The following ATP13A4 variants were observed in gnomAD, a reference collection of about 807,000 sequenced individuals.
ATP13A4 encodes probable cation-transporting ATPase 13A4.
A neutral mutation model predicts 142.5 loss-of-function variants in ATP13A4; 114 were observed. That is an observed-to-expected ratio of 0.80 (90% CI 0.69 to 0.93). ATP13A4 has a LOEUF of 0.93. ATP13A4 is among the 40% of genes least tolerant of loss of function. The pLI is 0.00. For missense variants in ATP13A4, 1,392 were observed against 1,454.0 expected (o/e 0.96, Z 0.69); for synonymous variants, 488 against 514.8 (o/e 0.95, Z 0.70).
chr3:193,470,580 G>A lies in ATP13A4; in HGVS notation c.943+279C>T, dbSNP rs1024497876. ...ATCTCTACAATCTTTTAAGGTAAATGAGAGGGTTGTAATAATCTTTTGTTC... is the reference window on the plus strand; with the variant it reads ...ATCTCTACAATCTTTTAAGGTAAATAAGAGGGTTGTAATAATCTTTTGTTC... On this transcript the variant is annotated intron_variant, in intron 9 of 29. Transcript: ENST00000342695. 9.2e-5 allele frequency among the ~76,000 whole-genome samples: 14 copies of A among 152,336 alleles called. No homozygotes were observed. In the East Asian group the frequency reaches 2.7e-3, roughly 29 times the overall value.
chr3:193,410,838 T>C, intron 28 of ATP13A4, 144 bp downstream of exon 28: 1 of 621,898 alleles, frequency 1.6e-6, no homozygotes, highest in Non-Finnish European at 2.9e-6. Context: ...AAAATATAGA[T>C]AAATTTAGCA....
chr3:193,506,943 G>T (rs1316627168), intron 2 of ATP13A4, among the ~76,000 whole-genome samples: 1 of 152,084 alleles, frequency 6.6e-6, no homozygotes. Context: ...TATTAGCAGC[G>T]TGAGAACAGA....
At position 193,422,321 on chromosome 3, in the gene ATP13A4, T is replaced by C. The variant is rs1157659422; in HGVS notation, c.2843-7571A>G. ...CACTTTCAACAAGAGACAGATCAAC[T>C]AGACATAAAATTGACAAGAAAATAT... is the stretch of plus-strand genomic sequence containing the variant. On this transcript the variant is annotated intron_variant, in intron 25 of 29. Coordinates refer to ENST00000342695, the MANE Select transcript of ATP13A4 (RefSeq NM_032279.4). 6.0e-5 allele frequency among the ~76,000 whole-genome samples: 9 copies of C among 149,766 alleles called. No individual in the cohort carries two copies. In the South Asian group the frequency reaches 1.9e-3, roughly 31 times the overall value.
At chr3:193,580,269 C>T (rs1279392687) in intron 2 of ATP13A4, among the ~76,000 whole-genome samples, 1 of 152,048 alleles carries the variant, frequency 6.6e-6, no homozygotes, top group Non-Finnish European at 1.5e-5. Context: ...TTTAGGTGGG[C>T]CTCCAAACTG....
In ATP13A4 at chr3:193,401,387, A is replaced by G. The variant is rs1327265802; in HGVS notation, c.*1265T>C. 2.0e-5 allele frequency among the ~76,000 whole-genome samples: 3 copies of G among 151,984 alleles called. No homozygotes were observed. Among genetic ancestry groups the G allele is most frequent in the Non-Finnish European group, 4.4e-5 (3 of 68,020 alleles). ...TTAGTTTTCTGGAAACTCAAGCCAC[A>G]AACTTTAAAAAAAAAATGTACTAGT... On this transcript the variant is annotated 3_prime_UTR_variant, in exon 30 of 30. Coordinates refer to ENST00000342695, the MANE Select transcript of ATP13A4 (RefSeq NM_032279.4).
chr3:193,543,315 C>T (rs1156541966), intron 1 of ATP13A4, among the ~76,000 whole-genome samples: 1 of 152,104 alleles, frequency 6.6e-6, no homozygotes, highest in Non-Finnish European at 1.5e-5. Flanking sequence ...AGCTTCTGCA[C>T]AACAAAAGAA....
intron 1 of ATP13A4, among the ~76,000 whole-genome samples, chr3:193,535,184 C>G (rs966639015): frequency 3.9e-5 from 6 of 152,140 alleles, no homozygotes; most frequent in African/African-American, 1.4e-4. Context: ...ACCGACAGAA[C>G]TTAACTGATA....
intron 8 of ATP13A4, among the ~76,000 whole-genome samples, chr3:193,482,791 C>T (rs936003045): frequency 6.6e-6 from 1 of 152,224 alleles, no homozygotes; most frequent in Non-Finnish European, 1.5e-5. Context: ...CTCTCATACA[C>T]TGCTAGTGTA....
chr3:193,508,578 T>C (rs1340547478), intron 2 of ATP13A4, among the ~76,000 whole-genome samples: 2 of 152,252 alleles, frequency 1.3e-5, no homozygotes, highest in Non-Finnish European at 2.9e-5. Flanking sequence ...AATGGCCCTG[T>C]ATTATAAAGG....
Position 193,474,995 on chromosome 3 carries a change from G to A in ATP13A4, c.809-4002C>T, listed in dbSNP as rs1023167635. Among the ~76,000 whole-genome samples the A allele has an allele frequency of 7.9e-5, 12 of 151,998 alleles. No homozygotes were observed. In the East Asian group the frequency reaches 1.2e-3, roughly 15 times the overall value. On this transcript the variant is annotated intron_variant, in intron 8 of 29. Transcript: ENST00000342695. ...TAGAAAAATGTGCAAAATTTCCAGC[G>A]CATTCTATTGTCAAGGCTGCGAGGA...
At chr3:193,535,570 C>A (rs1306145272) in intron 1 of ATP13A4, among the ~76,000 whole-genome samples, 1 of 152,208 alleles carries the variant, frequency 6.6e-6, no homozygotes, top group South Asian at 2.1e-4. Flanking sequence ...GCACTAACTG[C>A]ATATATTAGA....
chr3:193,587,976 T>TATA (rs201691807), intron 1 of ATP13A4, among the ~76,000 whole-genome samples: 1 of 151,392 alleles, frequency 6.6e-6, no homozygotes, highest in Non-Finnish European at 1.5e-5. Flanking sequence ...TATATATATA[T>TATA]TTAAAAATTA....
chr3:193,440,355 T>C (rs1461285883), intron 21 of ATP13A4: 1 of 999,098 alleles, frequency 1.0e-6, no homozygotes, highest in East Asian at 2.9e-5. Context: ...TTAAGCCCCA[T>C]ATAAACAACT....
intron 1 of ATP13A4, among the ~76,000 whole-genome samples, chr3:193,520,735 A>C (rs1721670332): frequency 6.6e-6 from 1 of 152,202 alleles, no homozygotes; most frequent in Non-Finnish European, 1.5e-5. Context: ...AATCTCCAAC[A>C]ATGACTACTG....
chr3:193,576,406 G>A (rs1043522918), intron 2 of ATP13A4, among the ~76,000 whole-genome samples: 6 of 149,768 alleles, frequency 4.0e-5, no homozygotes, highest in African/African-American at 1.5e-4. Context: ...CGAGTAGCTG[G>A]GACTACAGGC....
intron 1 of ATP13A4, among the ~76,000 whole-genome samples, chr3:193,516,137 C>T (rs11918943): frequency 0.28 from 42,606 of 152,066 alleles, 6,188 homozygotes; most frequent in Admixed American, 0.35. Flanking sequence ...CAGTTCTGCT[C>T]TTGCTAGAAT....
intron 2 of ATP13A4, among the ~76,000 whole-genome samples, chr3:193,573,308 C>CCGTATATATATATATATTCTTATATAT (rs1229145689): frequency 9.6e-6 from 1 of 103,674 alleles, no homozygotes; most frequent in African/African-American, 4.7e-5. Flanking sequence ...TATATATATA[C>CCGTATATATATATATATTCTTATATAT]ATATATATAT....
At chr3:193,446,309 C>A (rs1716952380) in intron 18 of ATP13A4, among the ~76,000 whole-genome samples, 1 of 152,182 alleles carries the variant, frequency 6.6e-6, no homozygotes, top group African/African-American at 2.4e-5. Flanking sequence ...ATAGGGAAAT[C>A]TTTTCTGGTA....
chr3:193,406,407 C>T (rs1714497742), intron 29 of ATP13A4, among the ~76,000 whole-genome samples: 1 of 152,190 alleles, frequency 6.6e-6, no homozygotes, highest in South Asian at 2.1e-4. Flanking sequence ...AATTCTAGTT[C>T]TGTATCCCAG....
Sources: allele counts gnomAD v4.1 joint callset (sites outside exome capture counted in the v4.1 genomes callset), GRCh38; gene constraint gnomAD v4.1.1; transcripts MANE v1.5; gene names NCBI Gene and HGNC (gene_info 2026-07-23, HGNC 2026-07-21).